The following KCMF1 variants were observed in gnomAD, a reference collection of about 807,000 sequenced individuals.
KCMF1 encodes the protein potassium channel modulatory factor 1.
Under a neutral mutation model 41.1 loss-of-function variants are expected in KCMF1, and 3 were observed. The observed-to-expected ratio is 0.07, with a 90% confidence interval of 0.03 to 0.19. KCMF1 has a LOEUF of 0.19. Ranked by LOEUF, KCMF1 falls within the 10% of genes least tolerant of loss-of-function variation. KCMF1 has a pLI of 1.00. For synonymous variants in KCMF1, 142 were observed against 164.5 expected (o/e 0.86, Z 1.04); for missense variants, 286 against 488.9 (o/e 0.58, Z 3.91).
chr2:84,993,548 A>ATTATTTATTTAT (rs148006042), intron 1 of KCMF1, among the ~76,000 whole-genome samples: 1,741 of 146,006 alleles, frequency 0.012, 34 homozygotes, highest in East Asian at 0.016. Flanking sequence ...CTCTACCCCC[A>ATTATTTATTTAT]TTATTTATTT....
At chr2:85,033,682 C>T (rs1236475641) in intron 2 of KCMF1, among the ~76,000 whole-genome samples, 2 of 152,174 alleles carry the variant, frequency 1.3e-5, no homozygotes, top group Non-Finnish European at 2.9e-5. Context: ...CTTAACAACC[C>T]TATCACCTCC....
At position 85,008,310 on chromosome 2, in the gene KCMF1, GAT is replaced by G. The variant is rs1258410051; in HGVS notation, c.17-19570_17-19569del. 9.2e-4 allele frequency among the ~76,000 whole-genome samples: 15 copies of G among 16,234 alleles called. 1 individual carries two copies. Among genetic ancestry groups the G allele is most frequent in the East Asian group, 6.4e-3 (3 of 472 alleles). The allele number at this position is 16,234 out of a possible 152,430, so 10.7% of individuals were successfully genotyped here. On this transcript the variant is annotated intron_variant, in intron 1 of 6. Coordinates refer to ENST00000409785, the MANE Select transcript of KCMF1 (RefSeq NM_020122.5). ...ATATAATATATATAATATATAATATGATATATATATCATATATAATATATAAT... is the reference window on the plus strand; with the variant it reads ...ATATAATATATATAATATATAATATGATATATATCATATATAATATATAAT...
At chr2:84,971,972 C>T (rs1673408618) in intron 1 of KCMF1, 1 of 152,100 alleles carries the variant, frequency 6.6e-6, no homozygotes, top group Admixed American at 6.6e-5. Context: ...GCGAGTGTCC[C>T]CGCCTGCGGG....
rs112708930 is a variant in KCMF1 at position 84,977,059 on chromosome 2, AG to A, written c.16+5593del. On this transcript the variant is annotated intron_variant, in intron 1 of 6. Coordinates refer to ENST00000409785, the MANE Select transcript of KCMF1 (RefSeq NM_020122.5). ...TTTTACTCTCTGTTGCCCAGGCTAG[AG>A]TAGAGTACATTGGTGGGATCTTGGC... Among the ~76,000 whole-genome samples the A allele has an allele frequency of 5.1e-3, 780 of 151,972 alleles. 6 individuals carry two copies. The highest frequency in any genetic ancestry group is 0.018 in the African/African-American group (741 of 41,384).
chr2:85,039,679 G>A (rs1363110927), intron 3 of KCMF1, among the ~76,000 whole-genome samples: 3 of 152,118 alleles, frequency 2.0e-5, no homozygotes, highest in African/African-American at 7.2e-5. Flanking sequence ...AATTGGTAAA[G>A]GCTTCCAAAG....
chr2:85,003,000 A>G (rs941340480), intron 1 of KCMF1, among the ~76,000 whole-genome samples: 2 of 152,190 alleles, frequency 1.3e-5, no homozygotes, highest in Admixed American at 6.5e-5. Context: ...ACAGTTATGA[A>G]TCTTGTATGG....
At position 85,049,477 on chromosome 2, in the gene KCMF1, G is replaced by T; in HGVS notation, c.713G>T (p.Arg238Leu). ...QQLQMQLQLE[R>L]QHAQAARQQL... ...CTGCAGATGCAGCTGCAGCTAGAACGGCAGCATGCCCAGGCAGCACGGCAA... is the reference window on the plus strand; with the variant it reads ...CTGCAGATGCAGCTGCAGCTAGAACTGCAGCATGCCCAGGCAGCACGGCAA... Residue 238 changes from arginine to leucine, a missense_variant, in exon 6 of 7, where the codon CGG becomes CTG. By Grantham distance (102) the Arg-to-Leu change is moderately radical. Around this residue, in one of 2 missense-constraint regions of KCMF1, gnomAD observed 191 missense variants for 279.3 expected, o/e 0.68. Transcript: ENST00000409785. 1 of 1,613,986 alleles carries T rather than the reference G, an allele frequency of 6.2e-7. No homozygotes were observed. The highest frequency in any genetic ancestry group is 8.5e-7 in the Non-Finnish European group (1 of 1,179,902).
At chr2:85,009,781 C>T (rs144047050) in intron 1 of KCMF1, among the ~76,000 whole-genome samples, 1 of 152,134 alleles carries the variant, frequency 6.6e-6, no homozygotes, top group Non-Finnish European at 1.5e-5. Context: ...GGGTCAGAGA[C>T]CCTCTTTAAT....
chr2:85,046,210 C>T lies in KCMF1; in HGVS notation c.533C>T (p.Thr178Ile). 1.2e-6 allele frequency: 2 copies of T among 1,613,344 alleles called. No individual in the cohort carries two copies. Among genetic ancestry groups the T allele is most frequent in the South Asian group, 1.1e-5 (1 of 90,974 alleles). The change falls in exon 5 of 7, where the codon ACT (threonine) becomes ATT (isoleucine). Residue 178 changes from threonine to isoleucine, a missense_variant. This residue lies in a region of KCMF1 where 191 missense variants were observed against 279.3 expected (regional missense o/e 0.68). Coordinates refer to ENST00000409785, the MANE Select transcript of KCMF1 (RefSeq NM_020122.5). ...RSNMHFTSSS[T>I]GGLSSSQSSY... Reference sequence around the variant, plus strand: ...AACATGCACTTTACTAGCAGTTCTACTGGTGGACTTTCTTCTTCTCAGAGT... The same window carrying T: ...AACATGCACTTTACTAGCAGTTCTATTGGTGGACTTTCTTCTTCTCAGAGT...
At chr2:84,991,101 G>A (rs553820987) in intron 1 of KCMF1, among the ~76,000 whole-genome samples, 47 of 152,310 alleles carry the variant, frequency 3.1e-4, no homozygotes, top group African/African-American at 1.0e-3. Context: ...TGACAGTGAT[G>A]AGTAGTGGTG....
At chr2:85,004,748 A>T (rs555676938) in intron 1 of KCMF1, among the ~76,000 whole-genome samples, 1 of 152,150 alleles carries the variant, frequency 6.6e-6, no homozygotes, top group African/African-American at 2.4e-5. Flanking sequence ...TCAGTCTTCT[A>T]TCTTGAGATT....
At chr2:85,038,596 C>CTTT (rs1675454976) in intron 3 of KCMF1, among the ~76,000 whole-genome samples, 1 of 151,920 alleles carries the variant, frequency 6.6e-6, no homozygotes, top group Non-Finnish European at 1.5e-5. Flanking sequence ...AGTAGAATGT[C>CTTT]TTTCTTCTTC....
At chr2:85,034,168 G>A (rs562438369) in intron 2 of KCMF1, among the ~76,000 whole-genome samples, 44 of 152,298 alleles carry the variant, frequency 2.9e-4, no homozygotes, top group Non-Finnish European at 4.1e-4. Context: ...GTGCGACAGA[G>A]TAAGACCTTG....
rs34687477 is a variant in KCMF1, at chr2:84,982,389, C to CTTTTTTTTTTTTTTTTTTTTTTTTT, written c.16+10931_16+10955dup. Among the ~76,000 whole-genome samples, 7 of 47,254 alleles carry CTTTTTTTTTTTTTTTTTTTTTTTTT rather than the reference C, an allele frequency of 1.5e-4. 3 individuals are homozygous for CTTTTTTTTTTTTTTTTTTTTTTTTT. The highest frequency in any genetic ancestry group is 4.5e-4 in the African/African-American group (5 of 11,222). 31.0% of individuals were successfully genotyped at this position (47,254 alleles called of 152,430 possible). A position where few individuals can be genotyped will look rare whatever the true frequency, so the allele number is the denominator to read the frequency against. On this transcript the variant is annotated intron_variant, in intron 1 of 6. Transcript: ENST00000409785. Reference sequence around the variant, plus strand: ...GAGTTACAGATGTGTTCCTTATTTTCTTTTTTTTTTTTTTTTTTTTTTTTT... The same window carrying CTTTTTTTTTTTTTTTTTTTTTTTTT: ...GAGTTACAGATGTGTTCCTTATTTTCTTTTTTTTTTTTTTTTTTTTTTTTTTTTTTTTTTTTTTTTTTTTTTTTTT...
intron 1 of KCMF1, among the ~76,000 whole-genome samples, chr2:85,023,854 A>G (rs1422642766): frequency 1.3e-5 from 2 of 152,198 alleles, no homozygotes; most frequent in Non-Finnish European, 2.9e-5. Context: ...GCTGCCCTTT[A>G]TCTTCACTAA....
Position 85,003,591 on chromosome 2 carries a change from C to T in KCMF1, c.17-24298C>T, listed in dbSNP as rs1276257884. Among the ~76,000 whole-genome samples the T allele has an allele frequency of 2.0e-5, 3 of 151,900 alleles. No homozygotes were observed. In the East Asian group the frequency reaches 5.8e-4, roughly 29 times the overall value. ...GCACAAGCTTATAAATGTTTGCTGT[C>T]ATTTTATTTTTTTTATTTTTAATTT... On this transcript the variant is annotated intron_variant, in intron 1 of 6. Transcript: ENST00000409785.
At chr2:85,006,631 A>T (rs1004851377) in intron 1 of KCMF1, among the ~76,000 whole-genome samples, 91 of 151,872 alleles carry the variant, frequency 6.0e-4, no homozygotes, top group African/African-American at 7.2e-4. Context: ...ATGTCTTTTT[A>T]AAAAAAATCT....
intron 1 of KCMF1, among the ~76,000 whole-genome samples, chr2:84,979,764 C>T (rs1673656523): frequency 6.6e-6 from 1 of 151,650 alleles, no homozygotes; most frequent in African/African-American, 2.4e-5. Flanking sequence ...TGAAGTTATT[C>T]ATTAAAATTG....
intron 1 of KCMF1, among the ~76,000 whole-genome samples, chr2:85,005,874 A>G (rs900637892): frequency 1.3e-5 from 2 of 152,338 alleles, no homozygotes; most frequent in African/African-American, 4.8e-5. Flanking sequence ...TAGCTTATCT[A>G]TCACCTCAAA....
Sources: allele counts gnomAD v4.1 joint callset (sites outside exome capture counted in the v4.1 genomes callset), GRCh38; gene constraint gnomAD v4.1.1; regional missense constraint gnomAD v4.1.1; transcripts MANE v1.5; gene names NCBI Gene and HGNC (gene_info 2026-07-23, HGNC 2026-07-21).